The following XKR9 variants were observed in gnomAD, a reference collection of about 807,000 sequenced individuals.
XKR9 encodes XK related 9.
Under a neutral mutation model 32.0 loss-of-function variants are expected in XKR9, and 32 were observed. That is an observed-to-expected ratio of 1.00 (90% CI 0.76 to 1.34). The LOEUF is 1.34. Ranked by LOEUF, XKR9 falls within the 40% of genes most tolerant of loss-of-function variation. The probability of loss-of-function intolerance (pLI) is 0.00; values close to 1 mark genes in which losing one functional copy is unlikely to be tolerated. For missense variants in XKR9, 546 were observed against 429.7 expected, an observed-to-expected ratio of 1.27 and a Z score of -2.39; for synonymous variants, 168 against 143.4, an observed-to-expected ratio of 1.17 and a Z score of -1.22.
At chr8:70,707,283 A>G (rs886432682) in intron 4 of XKR9, 130 bp downstream of exon 4, 1 of 656,686 alleles carries the variant, frequency 1.5e-6, no homozygotes, top group Non-Finnish European at 2.5e-6. Flanking sequence ...AAGGAAGTAC[A>G]GTAACATGGT....
At chr8:70,725,207 G>A (rs186220817) in intron 4 of XKR9, among the ~76,000 whole-genome samples, 1 of 152,238 alleles carries the variant, frequency 6.6e-6, no homozygotes, top group East Asian at 1.9e-4. Context: ...GGAATTATGG[G>A]ATTACAATTC....
chr8:70,912,158 G>A, the XKR9 span, among the ~76,000 whole-genome samples: 2 of 152,252 alleles, frequency 1.3e-5, no homozygotes, highest in South Asian at 4.2e-4. Flanking sequence ...AGAATGATGG[G>A]AGGTGAGGCT....
chr8:71,028,359 G>C, the XKR9 span, among the ~76,000 whole-genome samples: 1 of 152,006 alleles, frequency 6.6e-6, no homozygotes, highest in South Asian at 2.1e-4. Context: ...TTCCTATTCA[G>C]ATAGTTTGTT....
chr8:71,035,454 G>A, the XKR9 span, among the ~76,000 whole-genome samples: 2 of 152,174 alleles, frequency 1.3e-5, no homozygotes, highest in South Asian at 4.1e-4. Context: ...TAACAGGCAC[G>A]ATAAGTTTCA....
At chr8:70,740,079 A>G (rs1282785570), downstream of XKR9, among the ~76,000 whole-genome samples, 1 of 152,170 alleles carries the variant, frequency 6.6e-6, no homozygotes, top group African/African-American at 2.4e-5. Context: ...ACTTGGTTCC[A>G]TTCTGCCCGT....
chr8:70,711,527 G>GA (rs1428485122), intron 4 of XKR9, among the ~76,000 whole-genome samples: 2 of 152,190 alleles, frequency 1.3e-5, no homozygotes, highest in Non-Finnish European at 2.9e-5. Context: ...TGCAGGAACA[G>GA]AAAACCAAAT....
chr8:70,770,336 CG>C (rs1194197252), intron 2 of XKR9, among the ~76,000 whole-genome samples: 1 of 152,164 alleles, frequency 6.6e-6, no homozygotes, highest in Admixed American at 6.5e-5. Flanking sequence ...GAGGAGCACC[CG>C]CCAGATGCCA....
intron 2 of XKR9, among the ~76,000 whole-genome samples, chr8:70,777,641 T>C (rs918739237): frequency 6.6e-6 from 1 of 152,212 alleles, no homozygotes. Context: ...TTTTTAATGA[T>C]TGCTATTCTA....
the XKR9 span, among the ~76,000 whole-genome samples, chr8:70,891,390 A>G: frequency 6.6e-6 from 1 of 151,872 alleles, no homozygotes; most frequent in Non-Finnish European, 1.5e-5. Context: ...TAGGTTGCTT[A>G]TTTAAAATAT....
the XKR9 span, among the ~76,000 whole-genome samples, chr8:71,031,189 A>G: frequency 6.6e-6 from 1 of 152,176 alleles, no homozygotes; most frequent in Non-Finnish European, 1.5e-5. Context: ...AGTACTTACT[A>G]TGTATTTCAT....
the XKR9 span, among the ~76,000 whole-genome samples, chr8:70,917,258 C>T: frequency 6.6e-6 from 1 of 152,154 alleles, no homozygotes; most frequent in Non-Finnish European, 1.5e-5. Flanking sequence ...TTTCCCTGGT[C>T]ATCCTACCAA....
the XKR9 span, among the ~76,000 whole-genome samples, chr8:70,892,556 G>C: frequency 1.3e-5 from 2 of 152,094 alleles, no homozygotes; most frequent in East Asian, 3.9e-4. Flanking sequence ...GTTTATGCTT[G>C]TCTGCAAATG....
At chr8:70,709,552 C>T (rs1318968843) in intron 4 of XKR9, among the ~76,000 whole-genome samples, 1 of 152,062 alleles carries the variant, frequency 6.6e-6, no homozygotes, top group African/African-American at 2.4e-5. Flanking sequence ...CCTAGAACAC[C>T]CCCATGGTCT....
At chr8:70,974,308 A>G in the XKR9 span, among the ~76,000 whole-genome samples, 1 of 151,604 alleles carries the variant, frequency 6.6e-6, no homozygotes, top group Admixed American at 6.6e-5. Context: ...TTTGTTACAT[A>G]TGTATACATG....
intron 4 of XKR9, among the ~76,000 whole-genome samples, chr8:70,715,312 A>G (rs1284437913): frequency 1.3e-5 from 2 of 152,176 alleles, no homozygotes; most frequent in Non-Finnish European, 2.9e-5. Flanking sequence ...CTAGGGGAAT[A>G]TGTGAGAGAA....
At chr8:70,830,069 T>G in the XKR9 span, among the ~76,000 whole-genome samples, 1 of 152,316 alleles carries the variant, frequency 6.6e-6, no homozygotes, top group African/African-American at 2.4e-5. Flanking sequence ...GTTATAAATG[T>G]TTCTTCCTTT....
chr8:70,761,532 C>A (rs1807308792), intron 2 of XKR9, among the ~76,000 whole-genome samples: 1 of 151,840 alleles, frequency 6.6e-6, no homozygotes, highest in African/African-American at 2.4e-5. Flanking sequence ...TTCACCCCAC[C>A]TTTTAATGAG....
intron 2 of XKR9, among the ~76,000 whole-genome samples, chr8:70,741,088 C>T (rs1218450170): frequency 1.3e-5 from 2 of 152,270 alleles, no homozygotes; most frequent in African/African-American, 2.4e-5. Context: ...CCTACAGAGG[C>T]AGGCAGGCCT....
the XKR9 span, among the ~76,000 whole-genome samples, chr8:71,003,386 A>G: frequency 6.6e-6 from 1 of 152,222 alleles, no homozygotes. Context: ...ATTTAACTAA[A>G]TGGGATCAGA....
Sources: gnomAD v4.1 joint callset for allele counts (sites outside exome capture counted in the v4.1 genomes callset) on GRCh38, gnomAD v4.1.1 for gene constraint, MANE v1.5 for transcripts, NCBI Gene and HGNC (gene_info 2026-07-23, HGNC 2026-07-21) for gene names.